The following PTPRT variants were observed in gnomAD, a reference collection of about 807,000 sequenced individuals.
PTPRT encodes protein tyrosine phosphatase receptor type T, also known as receptor-type tyrosine-protein phosphatase T.
Under a neutral mutation model 176.8 loss-of-function variants are expected in PTPRT, and 56 were observed. The ratio of observed to expected loss-of-function variants is 0.32; its 90% confidence interval spans 0.26 to 0.40. The LOEUF is 0.40. PTPRT is among the 10% of genes least tolerant of loss of function. The pLI, the probability that PTPRT is intolerant of heterozygous loss-of-function variation, is 1.00. For missense variants in PTPRT, 1,540 were observed against 1,908.2 expected (o/e 0.81, Z 3.60); for synonymous variants, 783 against 739.0 (o/e 1.06, Z -0.96).
At chr20:42,992,055 T>C (rs1983939594) in intron 1 of PTPRT, among the ~76,000 whole-genome samples, 1 of 152,194 alleles carries the variant, frequency 6.6e-6, no homozygotes. Flanking sequence ...ATAATTTCTC[T>C]AGAAATTATA....
intron 1 of PTPRT, among the ~76,000 whole-genome samples, chr20:43,129,907 C>G (rs1347954114): frequency 6.6e-6 from 1 of 152,074 alleles, no homozygotes; most frequent in Admixed American, 6.5e-5. Flanking sequence ...CGTGAGCCAC[C>G]GCGCCCAGCC....
At chr20:42,573,054 T>A (rs886676727) in intron 7 of PTPRT, among the ~76,000 whole-genome samples, 1 of 151,866 alleles carries the variant, frequency 6.6e-6, no homozygotes, top group Non-Finnish European at 1.5e-5. Flanking sequence ...ATTCCCAATG[T>A]CCAGCACCTT....
At chr20:42,585,870 T>C (rs777452098) in intron 7 of PTPRT, among the ~76,000 whole-genome samples, 1 of 152,198 alleles carries the variant, frequency 6.6e-6, no homozygotes, top group Non-Finnish European at 1.5e-5. Flanking sequence ...ACACAGTTTA[T>C]TGTAACAATA....
intron 1 of PTPRT, among the ~76,000 whole-genome samples, chr20:42,952,826 A>G (rs1026532397): frequency 5.3e-5 from 8 of 152,242 alleles, no homozygotes; most frequent in Admixed American, 4.6e-4. Flanking sequence ...GGGCAGACAC[A>G]GAACCTCTCT....
intron 13 of PTPRT, among the ~76,000 whole-genome samples, chr20:42,275,586 GT>G (rs1050215751): frequency 6.6e-6 from 1 of 152,184 alleles, no homozygotes; most frequent in Non-Finnish European, 1.5e-5. Flanking sequence ...GAAGGGGTGT[GT>G]GTGGCGGGGG....
chr20:42,713,034 G>A (rs2146204925), intron 6 of PTPRT, among the ~76,000 whole-genome samples: 1 of 152,174 alleles, frequency 6.6e-6, no homozygotes, highest in East Asian at 1.9e-4. Flanking sequence ...AAGAGTTTTT[G>A]AAATACGCTA....
intron 1 of PTPRT, among the ~76,000 whole-genome samples, chr20:43,116,544 T>C (rs1207839499): frequency 6.6e-6 from 1 of 152,168 alleles, no homozygotes; most frequent in Non-Finnish European, 1.5e-5. Context: ...GCCTTACTTA[T>C]TCACATAATG....
At chr20:42,480,986 G>C (rs915208704) in intron 7 of PTPRT, among the ~76,000 whole-genome samples, 5 of 151,146 alleles carry the variant, frequency 3.3e-5, no homozygotes, top group Non-Finnish European at 7.4e-5. Flanking sequence ...AGGTTCATTC[G>C]AGGCAAGTAC....
At chr20:42,627,186 A>G (rs2145876440) in intron 7 of PTPRT, among the ~76,000 whole-genome samples, 1 of 152,044 alleles carries the variant, frequency 6.6e-6, no homozygotes, top group Non-Finnish European at 1.5e-5. Flanking sequence ...TTCTGGATCC[A>G]TTTAATCATA....
chr20:42,861,487 GA>G (rs986717212), intron 2 of PTPRT, among the ~76,000 whole-genome samples: 1 of 151,416 alleles, frequency 6.6e-6, no homozygotes, highest in South Asian at 2.1e-4. Context: ...ATTCATTTAA[GA>G]AAAAAAATTC....
chr20:42,586,353 T>C (rs1170284607), intron 7 of PTPRT, among the ~76,000 whole-genome samples: 1 of 152,162 alleles, frequency 6.6e-6, no homozygotes, highest in African/African-American at 2.4e-5. Context: ...CTGCTTTGGG[T>C]TTCTTGCAAA....
At chr20:42,616,121 A>G (rs75955614) in intron 7 of PTPRT, among the ~76,000 whole-genome samples, 15,110 of 116,500 alleles carry the variant, frequency 0.13, 2,073 homozygotes, top group African/African-American at 0.2. Context: ...TGTATAAGGC[A>G]TAAGGAAGGG....
At position 42,258,597 on chromosome 20, in the gene PTPRT, T is replaced by G. The variant is rs565404385; in HGVS notation, c.2177-9775A>C. 2.0e-5 allele frequency among the ~76,000 whole-genome samples: 3 copies of G among 152,344 alleles called. No individual in the cohort carries two copies. In the South Asian group the frequency reaches 6.2e-4, roughly 32 times the overall value. ...TCCAATATTCTTTCTTTGATCTTGC[T>G]GTGACTAATTTTTTTAAATTGCTGA... On this transcript the variant is annotated intron_variant, in intron 13 of 30. Transcript: ENST00000373187.
At chr20:42,197,901 A>C (rs1024114670) in intron 16 of PTPRT, among the ~76,000 whole-genome samples, 3 of 152,222 alleles carry the variant, frequency 2.0e-5, no homozygotes, top group Admixed American at 6.5e-5. Flanking sequence ...TCCCAAAGAC[A>C]GTACATCAGT....
intron 18 of PTPRT, among the ~76,000 whole-genome samples, chr20:42,136,787 G>T (rs1988400848): frequency 6.6e-6 from 1 of 152,208 alleles, no homozygotes; most frequent in African/African-American, 2.4e-5. Flanking sequence ...GTCGGGGGGT[G>T]ATCCCAGGAA....
chr20:42,868,210 C>A (rs368495342), intron 2 of PTPRT, among the ~76,000 whole-genome samples: 26 of 152,238 alleles, frequency 1.7e-4, no homozygotes, highest in African/African-American at 6.3e-4. Context: ...AAGAAGAAAG[C>A]TGGAGAGAAA....
At chr20:42,421,982 G>A (rs533185185) in intron 9 of PTPRT, among the ~76,000 whole-genome samples, 11 of 152,286 alleles carry the variant, frequency 7.2e-5, no homozygotes, top group African/African-American at 2.4e-4. Context: ...AAATGGTGCT[G>A]GGATAACTGA....
At chr20:42,197,376 C>CAAAAAAAA (rs3086756) in intron 16 of PTPRT, among the ~76,000 whole-genome samples, 10 of 33,314 alleles carry the variant, frequency 3.0e-4, no homozygotes, top group African/African-American at 6.6e-4. Flanking sequence ...GAGACTCCAT[C>CAAAAAAAA]AAAAAAAAAA....
At chr20:42,514,459 A>T (rs1265850962) in intron 7 of PTPRT, among the ~76,000 whole-genome samples, 2 of 152,126 alleles carry the variant, frequency 1.3e-5, no homozygotes, top group Admixed American at 6.6e-5. Context: ...TGCCTTTTTA[A>T]AATTGATTCA....
Sources: allele counts gnomAD v4.1 joint callset (sites outside exome capture counted in the v4.1 genomes callset), GRCh38; gene constraint gnomAD v4.1.1; transcripts MANE v1.5; gene names NCBI Gene and HGNC (gene_info 2026-07-23, HGNC 2026-07-21).